The following ADCY9 variants were observed in gnomAD, a reference collection of about 807,000 sequenced individuals.
The protein encoded by ADCY9 is adenylate cyclase type 9.
In ADCY9, 50 loss-of-function variants were observed where a neutral mutation model predicts 101.5. The ratio of observed to expected loss-of-function variants is 0.49; its 90% CI spans 0.39 to 0.62. The LOEUF (loss-of-function observed/expected upper bound fraction) is 0.62, where lower values mean the gene tolerates loss of function less well. ADCY9 is among the 20% of genes least tolerant of loss of function. The pLI, the probability that ADCY9 is intolerant of heterozygous loss-of-function variation, is 0.00. For synonymous variants in ADCY9, 905 were observed against 769.3 expected, an observed-to-expected ratio of 1.18 and a Z score of -2.92; for missense variants, 1,662 against 1,800.4, an observed-to-expected ratio of 0.92 and a Z score of 1.39.
intron 5 of ADCY9, among the ~76,000 whole-genome samples, chr16:3,991,569 T>A (rs1382405974): frequency 6.6e-6 from 1 of 152,104 alleles, no homozygotes; most frequent in Non-Finnish European, 1.5e-5. Context: ...GAGACCCGCC[T>A]GGCCAACATG....
chr16:3,979,896 T>C (rs192992810), intron 7 of ADCY9, among the ~76,000 whole-genome samples: 8 of 152,382 alleles, frequency 5.2e-5, no homozygotes, highest in Non-Finnish European at 1.0e-4. Flanking sequence ...AACAGGGTGC[T>C]CTGTGGTGGT....
At chr16:4,022,191 C>G (rs556542364) in intron 2 of ADCY9, among the ~76,000 whole-genome samples, 2 of 152,090 alleles carry the variant, frequency 1.3e-5, no homozygotes, top group East Asian at 3.9e-4. Flanking sequence ...AGCCTGAGGA[C>G]AGGTTAAAGA....
At chr16:4,031,514 A>G (rs2056555009) in intron 2 of ADCY9, among the ~76,000 whole-genome samples, 2 of 152,214 alleles carry the variant, frequency 1.3e-5, no homozygotes. Context: ...CCACGGGTCA[A>G]TCAGGTGAAG....
At chr16:4,046,710 A>G (rs1314238708) in intron 2 of ADCY9, among the ~76,000 whole-genome samples, 2 of 152,218 alleles carry the variant, frequency 1.3e-5, no homozygotes, top group Non-Finnish European at 2.9e-5. Flanking sequence ...TCTTAAAGCA[A>G]GATTTTCCAC....
At chr16:4,041,506 C>CAAAA (rs55669348) in intron 2 of ADCY9, among the ~76,000 whole-genome samples, 3 of 94,620 alleles carry the variant, frequency 3.2e-5, no homozygotes, top group Admixed American at 1.2e-4. Context: ...GTATTAAAAC[C>CAAAA]AAAAAAAAAA....
At chr16:4,077,922 C>A (rs1200610226) in intron 2 of ADCY9, among the ~76,000 whole-genome samples, 1 of 151,672 alleles carries the variant, frequency 6.6e-6, no homozygotes, top group Non-Finnish European at 1.5e-5. Flanking sequence ...TTGCTTGAAC[C>A]CAGGAGGCAG....
chr16:3,965,388 C>T lies in ADCY9; in HGVS notation c.*387G>A, dbSNP rs1335981554. ...AGCCAGAGAACCGAAAATAGTGTCTCGTGGGACGTGGGAAAAAGCAATAAA... is the reference window on the plus strand; with the variant it reads ...AGCCAGAGAACCGAAAATAGTGTCTTGTGGGACGTGGGAAAAAGCAATAAA... On this transcript the variant is annotated 3_prime_UTR_variant, in exon 11 of 11. Transcript: ENST00000294016. 2.0e-5 allele frequency: 5 copies of T among 244,112 alleles called. No individual in the cohort carries two copies. Among genetic ancestry groups the T allele is most frequent in the Admixed American group, 5.1e-5 (1 of 19,796 alleles). The allele number at this position is 244,112 out of a possible 1,614,324, so 15.1% of individuals were successfully genotyped here. A position where few individuals can be genotyped will look rare whatever the true frequency, so the allele number is the denominator to read the frequency against.
chr16:4,033,148 A>G (rs1267567113), intron 2 of ADCY9, among the ~76,000 whole-genome samples: 2 of 152,186 alleles, frequency 1.3e-5, no homozygotes, highest in East Asian at 3.8e-4. Flanking sequence ...TCCAGGGTAA[A>G]AATTATGATT....
intron 2 of ADCY9, among the ~76,000 whole-genome samples, chr16:4,018,189 G>C (rs995819326): frequency 8.6e-5 from 13 of 151,748 alleles, no homozygotes; most frequent in Non-Finnish European, 1.8e-4. Flanking sequence ...CAAAGGAAAA[G>C]CTCTAAGTTG....
chr16:4,036,110 A>AGTAC (rs973668078), intron 2 of ADCY9, among the ~76,000 whole-genome samples: 3 of 129,354 alleles, frequency 2.3e-5, no homozygotes, highest in Admixed American at 9.8e-5. Context: ...GTGATCTTCC[A>AGTAC]GTACACTGGA....
rs373228324 is a variant in ADCY9, at chr16:4,017,848, T to C, written c.1694-10290A>G. On this transcript the variant is annotated intron_variant, in intron 2 of 10. Coordinates refer to ENST00000294016, the MANE Select transcript of ADCY9 (RefSeq NM_001116.4). Reference sequence around the variant, plus strand: ...TCATCCAATTTGCAGCTCTCACTATTGTAGTCCAACCTAAAAACGCCGGGC... The same window carrying C: ...TCATCCAATTTGCAGCTCTCACTATCGTAGTCCAACCTAAAAACGCCGGGC... Among the ~76,000 whole-genome samples, 33 of 152,336 alleles carry C rather than the reference T, an allele frequency of 2.2e-4. No individual in the cohort carries two copies. The South Asian group carries it at 3.5e-3, about 16-fold the overall frequency.
In ADCY9 at chr16:3,956,503, T is replaced by TTTTTTTTTTTTTTGGG. The variant is rs55792938; in HGVS notation, c.568-2988_568-2987insCCCAAAAAAAAAAAAA. On this transcript the variant is annotated intron_variant, in intron 5 of 5. Coordinates refer to the ADCY9 transcript ENST00000576936. ...GCGCAATGAGCTTTTTTTTTTTTTT[T>TTTTTTTTTTTTTTGGG]GGGGGGGGATGGAGTCTCCCTCTGT... is the stretch of plus-strand genomic sequence containing the variant. Among the ~76,000 whole-genome samples, 31 of 69,574 alleles carry TTTTTTTTTTTTTTGGG rather than the reference T, an allele frequency of 4.5e-4. 3 individuals are homozygous for TTTTTTTTTTTTTTGGG. Among genetic ancestry groups the TTTTTTTTTTTTTTGGG allele is most frequent in the African/African-American group, 1.2e-3 (29 of 24,764 alleles). The allele number at this position is 69,574 out of a possible 152,430, so 45.6% of individuals were successfully genotyped here. A position where few individuals can be genotyped will look rare whatever the true frequency, so the allele number is the denominator to read the frequency against.
chr16:4,113,066 G>C (rs2057123595), intron 2 of ADCY9, among the ~76,000 whole-genome samples: 1 of 151,988 alleles, frequency 6.6e-6, no homozygotes, highest in South Asian at 2.1e-4. Flanking sequence ...AAATCACCTG[G>C]TGGCTGGAGA....
intron 10 of ADCY9, among the ~76,000 whole-genome samples, chr16:3,970,731 C>T (rs72762705): frequency 0.19 from 28,999 of 152,218 alleles, 3,246 homozygotes; most frequent in Admixed American, 0.32. Context: ...CGGCCCTCTG[C>T]GAAGCACAAC....
rs921310859 is a variant in ADCY9, at chr16:3,953,972, A to G, written c.568-456T>C. 8.5e-5 allele frequency among the ~76,000 whole-genome samples: 13 copies of G among 152,212 alleles called. 1 individual carries two copies. The highest frequency in any genetic ancestry group is 7.9e-4 in the Admixed American group (12 of 15,276). On this transcript the variant is annotated intron_variant, in intron 5 of 5. Transcript: ENST00000576936. ...ATTGAGAAGGTGGAATTTGATTGGA[A>G]TAACTGGATCATCTCACGGATGGCT... is the stretch of plus-strand genomic sequence containing the variant.
chr16:3,953,975 A>T, intron 5 of ADCY9, among the ~76,000 whole-genome samples: 1 of 152,214 alleles, frequency 6.6e-6, no homozygotes, highest in East Asian at 1.9e-4. Context: ...GATTGGAATA[A>T]CTGGATCATC....
Position 3,973,503 on chromosome 16 carries a change from G to A in ADCY9, c.2870+1166C>T, listed in dbSNP as rs116511294. Among the ~76,000 whole-genome samples the A allele has an allele frequency of 6.8e-3, 1,033 of 152,134 alleles. 10 individuals carry two copies. Among genetic ancestry groups the A allele is most frequent in the African/African-American group, 0.023 (957 of 41,508 alleles). Reference sequence around the variant, plus strand: ...ATTACAGGCATGAGCCAACGTGCCTGGCCTTTTTTTTCTGAGACAGAGTCT... The same window carrying A: ...ATTACAGGCATGAGCCAACGTGCCTAGCCTTTTTTTTCTGAGACAGAGTCT... On this transcript the variant is annotated intron_variant, in intron 10 of 10. Coordinates refer to ENST00000294016, the MANE Select transcript of ADCY9 (RefSeq NM_001116.4).
chr16:4,061,387 T>C (rs780281739), intron 2 of ADCY9, among the ~76,000 whole-genome samples: 12 of 152,094 alleles, frequency 7.9e-5, no homozygotes, highest in Admixed American at 5.2e-4. Flanking sequence ...AAACTCCAAC[T>C]CAATAAAGTG....
At chr16:4,036,482 T>TTG (rs2056591078) in intron 2 of ADCY9, among the ~76,000 whole-genome samples, 1 of 141,342 alleles carries the variant, frequency 7.1e-6, no homozygotes, top group Non-Finnish European at 1.6e-5. Context: ...TTTTTTTTTT[T>TTG]GAGACAATCT....
Sources: gnomAD v4.1 joint callset for allele counts (sites outside exome capture counted in the v4.1 genomes callset) on GRCh38, gnomAD v4.1.1 for gene constraint, MANE v1.5 for transcripts, NCBI Gene and HGNC (gene_info 2026-07-23, HGNC 2026-07-21) for gene names.